RB1: variants seen among roughly 807,000 people sequenced by gnomAD.
The protein encoded by RB1 is RB transcriptional corepressor 1.
Under a neutral mutation model 135.4 loss-of-function variants are expected in RB1, and 18 were observed. That is an observed-to-expected ratio of 0.13 (90% CI 0.09 to 0.20). The LOEUF (loss-of-function observed/expected upper bound fraction) is 0.20. Ranked by LOEUF, RB1 falls within the 10% of genes least tolerant of loss-of-function variation. The probability of loss-of-function intolerance (pLI) is 1.00; values close to 1 mark genes in which losing one functional copy is unlikely to be tolerated. For missense variants in RB1, 868 were observed against 1,110.0 expected, an observed-to-expected ratio of 0.78 and a Z score of 3.10; for synonymous variants, 365 against 373.2, an observed-to-expected ratio of 0.98 and a Z score of 0.25.
At chr13:48,366,277 TAA>T (rs1379788606) in intron 9 of RB1, among the ~76,000 whole-genome samples, 5 of 152,206 alleles carry the variant, frequency 3.3e-5, no homozygotes, top group African/African-American at 1.2e-4. Flanking sequence ...ATATAAATCT[TAA>T]GAGTAATTTT....
chr13:48,355,318 G>A (rs1658475054), intron 6 of RB1, among the ~76,000 whole-genome samples: 2 of 152,188 alleles, frequency 1.3e-5, no homozygotes, highest in South Asian at 4.1e-4. Context: ...ATGAAAAGGT[G>A]CTCAACATCA....
In RB1 at chr13:48,440,995, T is replaced by C. The variant is rs193176112; in HGVS notation, c.1696-11998T>C. On this transcript the variant is annotated intron_variant, in intron 17 of 26. Transcript: ENST00000267163. The stretch of plus-strand genomic sequence containing the variant: ...TTCTAAGGATGACCTAGGCCATTGA[T>C]AGTCTAAGCTTGAAATTAATCATTA... Among the ~76,000 whole-genome samples the C allele has an allele frequency of 1.2e-3, 178 of 152,342 alleles. 2 individuals carry two copies. The highest frequency in any genetic ancestry group is 4.2e-3 in the African/African-American group (175 of 41,586).
At chr13:48,363,750 T>C (rs1952665691) in intron 8 of RB1, among the ~76,000 whole-genome samples, 1 of 152,206 alleles carries the variant, frequency 6.6e-6, no homozygotes, top group African/African-American at 2.4e-5. Context: ...GTCTTGTTCA[T>C]AGAATGTGGA....
At chr13:48,432,823 G>A (rs428431) in intron 17 of RB1, among the ~76,000 whole-genome samples, 136,123 of 152,082 alleles carry the variant, frequency 0.9, 62,255 homozygotes, top group East Asian at 1. Context: ...TAAGGCTCTT[G>A]AAAAGCAATT....
intron 6 of RB1, among the ~76,000 whole-genome samples, chr13:48,349,446 A>G (rs1399473419): frequency 6.6e-6 from 1 of 151,958 alleles, no homozygotes; most frequent in Non-Finnish European, 1.5e-5. Flanking sequence ...TTGTTTATGC[A>G]AACAGTGTTA....
chr13:48,383,534 T>G (rs1193203304), intron 17 of RB1, among the ~76,000 whole-genome samples: 1 of 152,112 alleles, frequency 6.6e-6, no homozygotes, highest in Non-Finnish European at 1.5e-5. Flanking sequence ...TTTGCACATG[T>G]AACCTTAGTT....
At chr13:48,405,687 A>G (rs570366066) in intron 17 of RB1, among the ~76,000 whole-genome samples, 18 of 152,344 alleles carry the variant, frequency 1.2e-4, no homozygotes, top group East Asian at 9.6e-4. Flanking sequence ...TCAATACCCA[A>G]TATAAAGCAT....
Position 48,360,071 on chromosome 13 carries a change from G to A in RB1, c.662G>A (p.Cys221Tyr). The change falls in exon 7 of 27, where the codon TGT becomes TAT. Residue 221 changes from cysteine to tyrosine, a missense_variant. Transcript: ENST00000267163. Reference sequence around the variant, plus strand: ...GTGATTTCATTTCAGTTAATGCTATGTGTCCTTGACTATTTTATTAAACTC... The same window carrying A: ...GTGATTTCATTTCAGTTAATGCTATATGTCCTTGACTATTTTATTAAACTC... ...DLVISFQLML[C>Y]VLDYFIKLSP... The A allele has an allele frequency of 6.2e-7, 1 of 1,612,408 alleles. No homozygotes were observed. Among genetic ancestry groups the A allele is most frequent in the Non-Finnish European group, 8.5e-7 (1 of 1,179,206 alleles).
intron 17 of RB1, among the ~76,000 whole-genome samples, chr13:48,445,675 G>C (rs897421169): frequency 6.6e-6 from 1 of 152,084 alleles, no homozygotes; most frequent in African/African-American, 2.4e-5. Context: ...TTCTTCATGA[G>C]AGAACCCTGT....
At chr13:48,448,708 A>G (rs1005459595) in intron 17 of RB1, among the ~76,000 whole-genome samples, 7 of 152,368 alleles carry the variant, frequency 4.6e-5, no homozygotes, top group Non-Finnish European at 7.4e-5. Flanking sequence ...ACATTCATAC[A>G]TACATCCAAG....
chr13:48,417,286 G>A (rs979917220), intron 17 of RB1: 6 of 152,824 alleles, frequency 3.9e-5, no homozygotes, highest in Middle Eastern at 6.7e-3. Flanking sequence ...AGACAAACAG[G>A]GTCTGGAGTG....
At position 48,410,690 on chromosome 13, in the gene RB1, T is replaced by G. The variant is rs115954253; in HGVS notation, c.1695+29247T>G. Among the ~76,000 whole-genome samples the G allele has an allele frequency of 9.2e-3, 1,402 of 152,270 alleles. 23 individuals carry two copies. Among genetic ancestry groups the G allele is most frequent in the African/African-American group, 0.032 (1,337 of 41,548 alleles). ...TCTCCCTCTCAATTTTTGTGGCATA[T>G]ATCATTTTGAAATTGGGTGCATTAT... On this transcript the variant is annotated intron_variant, in intron 17 of 26. Transcript: ENST00000267163.
chr13:48,317,973 A>G (rs1196509124), intron 2 of RB1: 2 of 453,926 alleles, frequency 4.4e-6, no homozygotes, highest in East Asian at 5.4e-5. Flanking sequence ...TTACTAATCT[A>G]CAGTTCGATG....
At chr13:48,348,848 A>G in intron 5 of RB1, 108 bp from the exon 6 acceptor site, 1 of 1,091,030 alleles carries the variant, frequency 9.2e-7, no homozygotes, top group South Asian at 1.7e-5. Flanking sequence ...AACTAAGGTC[A>G]TTTTTTTTTT....
chr13:48,450,707 A>G (rs1949321517), intron 17 of RB1, among the ~76,000 whole-genome samples: 1 of 152,106 alleles, frequency 6.6e-6, no homozygotes, highest in Non-Finnish European at 1.5e-5. Context: ...GTTTTTTCTA[A>G]TTCTGTGAAG....
At chr13:48,336,418 G>T (rs75618542) in intron 2 of RB1, among the ~76,000 whole-genome samples, 2 of 152,148 alleles carry the variant, frequency 1.3e-5, no homozygotes, top group Admixed American at 6.5e-5. Flanking sequence ...TCTTGGGAGG[G>T]TGTATGTGTC....
intron 17 of RB1, chr13:48,412,155 T>G (rs1948823039): frequency 6.2e-7 from 1 of 1,613,844 alleles, no homozygotes; most frequent in Admixed American, 1.7e-5. Context: ...CACAGAAATC[T>G]TACAAAGTAA....
chr13:48,465,457 C>A, intron 23 of RB1, 89 bp downstream of exon 23: 3 of 1,287,460 alleles, frequency 2.3e-6, no homozygotes, highest in East Asian at 2.4e-5. Context: ...TTCTTCATTT[C>A]AAATAAGCTA....
chr13:48,407,947 G>T (rs1948754509), intron 17 of RB1, among the ~76,000 whole-genome samples: 1 of 152,104 alleles, frequency 6.6e-6, no homozygotes, highest in South Asian at 2.1e-4. Flanking sequence ...CTTGGAAATA[G>T]TAATTTAATA....
Sources: gnomAD v4.1 joint callset for allele counts (sites outside exome capture counted in the v4.1 genomes callset) on GRCh38, gnomAD v4.1.1 for gene constraint, MANE v1.5 for transcripts, NCBI Gene and HGNC (gene_info 2026-07-23, HGNC 2026-07-21) for gene names.